ADGRB3: variants seen among roughly 807,000 people sequenced by gnomAD.
ADGRB3 encodes the protein brain-specific angiogenesis inhibitor 3.
A neutral mutation model predicts 193.4 loss-of-function variants in ADGRB3; 37 were observed. The observed-to-expected ratio is 0.19, with a 90% CI of 0.15 to 0.25. ADGRB3 has a LOEUF of 0.25. Among genes scored for constraint, ADGRB3 ranks in the 10% least tolerant of loss-of-function variants. The pLI is 1.00. For missense variants in ADGRB3, 1,637 were observed against 1,852.9 expected (o/e 0.88, Z 2.14); for synonymous variants, 690 against 644.2 (o/e 1.07, Z -1.08).
intron 30 of ADGRB3, among the ~76,000 whole-genome samples, chr6:69,373,494 C>T (rs1477398344): frequency 6.6e-6 from 1 of 152,052 alleles, no homozygotes; most frequent in Non-Finnish European, 1.5e-5. Context: ...GATAAGGAAT[C>T]TTTTATCTAC....
intron 3 of ADGRB3, among the ~76,000 whole-genome samples, chr6:68,689,242 G>A (rs895588908): frequency 7.2e-5 from 11 of 152,088 alleles, no homozygotes; most frequent in Admixed American, 5.9e-4. Flanking sequence ...CAGGGTTGGG[G>A]GAGGGTAGGT....
At chr6:69,218,767 C>G (rs1377566676) in intron 17 of ADGRB3, among the ~76,000 whole-genome samples, 3 of 152,074 alleles carry the variant, frequency 2.0e-5, no homozygotes, top group Non-Finnish European at 4.4e-5. Context: ...TAGACAAAAT[C>G]GGAGCCAATG....
intron 3 of ADGRB3, among the ~76,000 whole-genome samples, chr6:68,918,372 TG>T (rs1766940046): frequency 6.6e-6 from 1 of 152,172 alleles, no homozygotes; most frequent in South Asian, 2.1e-4. Flanking sequence ...CAAACTATTC[TG>T]GACTCCTTGC....
chr6:68,958,226 T>C (rs1212687862), intron 8 of ADGRB3, among the ~76,000 whole-genome samples: 1 of 152,084 alleles, frequency 6.6e-6, no homozygotes, highest in Non-Finnish European at 1.5e-5. Flanking sequence ...AAAATTACTT[T>C]TGTTAATTCT....
At chr6:68,868,636 A>C (rs1387010741) in intron 3 of ADGRB3, among the ~76,000 whole-genome samples, 1 of 152,212 alleles carries the variant, frequency 6.6e-6, no homozygotes, top group Non-Finnish European at 1.5e-5. Context: ...CCTATTTTGA[A>C]GGGAGCATAA....
At chr6:69,164,944 A>G (rs934589553) in intron 17 of ADGRB3, among the ~76,000 whole-genome samples, 1 of 152,048 alleles carries the variant, frequency 6.6e-6, no homozygotes, top group Non-Finnish European at 1.5e-5. Context: ...AAATCATTCT[A>G]TACCAAATGG....
intron 3 of ADGRB3, among the ~76,000 whole-genome samples, chr6:68,878,424 T>TA (rs1392092931): frequency 0.012 from 1,840 of 148,596 alleles, 40 homozygotes; most frequent in African/African-American, 0.042. Context: ...GGCAAAATTG[T>TA]AAAAAAAAAA....
At chr6:68,643,651 C>T (rs990721652) in intron 3 of ADGRB3, among the ~76,000 whole-genome samples, 5 of 151,676 alleles carry the variant, frequency 3.3e-5, no homozygotes, top group Non-Finnish European at 7.4e-5. Context: ...ATTTTCATCT[C>T]GGCTGGTCGC....
chr6:69,106,459 A>T (rs984743612), intron 17 of ADGRB3, among the ~76,000 whole-genome samples: 1 of 152,150 alleles, frequency 6.6e-6, no homozygotes, highest in Non-Finnish European at 1.5e-5. Context: ...AGTACTAAAA[A>T]TGTAAGAAAA....
intron 3 of ADGRB3, among the ~76,000 whole-genome samples, chr6:68,697,226 GTTTCA>G (rs1765173031): frequency 3.3e-5 from 5 of 151,868 alleles, no homozygotes; most frequent in Non-Finnish European, 7.4e-5. Flanking sequence ...ATAAATAACT[GTTTCA>G]TTTCAATTAA....
chr6:68,639,569 C>G, intron 3 of ADGRB3, 137 bp downstream of exon 3: 1 of 1,220,714 alleles, frequency 8.2e-7, no homozygotes, highest in East Asian at 2.6e-5. Flanking sequence ...GTGCTATTCA[C>G]TGATAAAGGT....
chr6:68,810,715 A>C (rs1208973160), intron 3 of ADGRB3, among the ~76,000 whole-genome samples: 3 of 152,200 alleles, frequency 2.0e-5, no homozygotes, highest in Non-Finnish European at 4.4e-5. Flanking sequence ...GTTAAAAGTA[A>C]ATAAAAATGA....
chr6:69,209,416 G>C (rs752109412), intron 17 of ADGRB3, among the ~76,000 whole-genome samples: 6 of 152,124 alleles, frequency 3.9e-5, no homozygotes, highest in Non-Finnish European at 7.4e-5. Context: ...ATTTTACTGA[G>C]GTAGAAGGTC....
At chr6:68,921,400 A>C (rs1390199110) in intron 3 of ADGRB3, among the ~76,000 whole-genome samples, 1 of 152,226 alleles carries the variant, frequency 6.6e-6, no homozygotes, top group East Asian at 1.9e-4. Flanking sequence ...CACAAATCAG[A>C]ATGAAGAGAG....
At chr6:69,043,316 G>GAA (rs1554252089) in intron 13 of ADGRB3, among the ~76,000 whole-genome samples, 1 of 150,602 alleles carries the variant, frequency 6.6e-6, no homozygotes, top group African/African-American at 2.5e-5. Context: ...AAGAAAGAAA[G>GAA]AAAGAAAGAA....
intron 17 of ADGRB3, among the ~76,000 whole-genome samples, chr6:69,150,282 C>T (rs967048012): frequency 9.2e-5 from 14 of 152,240 alleles, no homozygotes; most frequent in Admixed American, 3.9e-4. Context: ...CTACCTGGCA[C>T]GCTATTATAC....
At chr6:69,213,989 C>A (rs1765720489) in intron 17 of ADGRB3, among the ~76,000 whole-genome samples, 7 of 151,978 alleles carry the variant, frequency 4.6e-5, no homozygotes, top group Admixed American at 4.6e-4. Context: ...CAATAACTAA[C>A]CACTATACAA....
rs987291863 is a variant in ADGRB3 at position 68,843,787 on chromosome 6, A to G, written c.758-86772A>G. 7.2e-5 allele frequency among the ~76,000 whole-genome samples: 11 copies of G among 152,210 alleles called. No homozygotes were observed. In the East Asian group the frequency reaches 1.5e-3, roughly 21 times the overall value. On this transcript the variant is annotated intron_variant, in intron 3 of 31. Transcript: ENST00000370598. ...ACTTCAAATTAAACTACAGAGCTAT[A>G]GTAACCAAAACAGCATGGTGCTCAC...
intron 3 of ADGRB3, among the ~76,000 whole-genome samples, chr6:68,920,508 G>C (rs1219625331): frequency 1.3e-5 from 1 of 75,984 alleles, no homozygotes; most frequent in Non-Finnish European, 2.4e-5. Context: ...CAGAGACTCT[G>C]TATCAAAAAA....
Sources: gnomAD v4.1 joint callset for allele counts (sites outside exome capture counted in the v4.1 genomes callset) on GRCh38, gnomAD v4.1.1 for gene constraint, MANE v1.5 for transcripts, NCBI Gene and HGNC (gene_info 2026-07-23, HGNC 2026-07-21) for gene names.